Variants in RIC8B observed in about 807,000 individuals in gnomAD.
RIC8B encodes the protein RIC8 guanine nucleotide exchange factor B, also known as chaperone Ric-8B.
Under a neutral mutation model 57.5 loss-of-function variants are expected in RIC8B, and 16 were observed. The ratio of observed to expected loss-of-function variants is 0.28; its 90% CI spans 0.19 to 0.42. The LOEUF is 0.42. RIC8B is among the 10% of genes least tolerant of loss of function. The probability of loss-of-function intolerance (pLI) is 1.00; values close to 1 mark genes in which losing one functional copy is unlikely to be tolerated. For missense variants in RIC8B, 481 were observed against 677.0 expected (o/e 0.71, Z 3.21); for synonymous variants, 216 against 250.8 (o/e 0.86, Z 1.31).
chr12:106,851,676 GTC>G, intron 7 of RIC8B, 82 bp downstream of exon 7: 1 of 1,183,872 alleles, frequency 8.4e-7, no homozygotes, highest in Non-Finnish European at 1.2e-6. Flanking sequence ...AGTACTGGTC[GTC>G]TCATTCCATT....
intron 7 of RIC8B, 76 bp downstream of exon 7, chr12:106,851,670 C>A: frequency 8.2e-7 from 1 of 1,226,880 alleles, no homozygotes; most frequent in Non-Finnish European, 1.2e-6. Context: ...AGTGTTAGTA[C>A]TGGTCGTCTC....
At position 106,886,132 on chromosome 12, in the gene RIC8B, G is replaced by A. The variant is rs546443941; in HGVS notation, c.*117G>A. 13 of 709,818 alleles carry A rather than the reference G, an allele frequency of 1.8e-5. No individual in the cohort carries two copies. In the African/African-American group the frequency reaches 2.1e-4, roughly 12 times the overall value. The allele number at this position is 709,818 out of a possible 1,614,324, so 44.0% of individuals were successfully genotyped here. On this transcript the variant is annotated 3_prime_UTR_variant, in exon 10 of 10. Coordinates refer to ENST00000392837, the MANE Select transcript of RIC8B (RefSeq NM_001330145.2). ...TGCTTTGGCTAGAAACACATTAACT[G>A]GTTTACTCATTGAGAATCCAGCATA...
intron 2 of RIC8B, among the ~76,000 whole-genome samples, chr12:106,788,244 T>C (rs1206197355): frequency 1.3e-5 from 2 of 152,198 alleles, no homozygotes; most frequent in Non-Finnish European, 2.9e-5. Context: ...CCCATAGTCT[T>C]GGGCAGCTCC....
chr12:106,810,852 C>G (rs563964701), intron 2 of RIC8B, among the ~76,000 whole-genome samples: 1 of 152,262 alleles, frequency 6.6e-6, no homozygotes, highest in South Asian at 2.1e-4. Flanking sequence ...CAGGCACTGC[C>G]CTATGTGTTT....
At chr12:106,815,810 A>G (rs2045550338) in intron 3 of RIC8B, among the ~76,000 whole-genome samples, 1 of 152,200 alleles carries the variant, frequency 6.6e-6, no homozygotes, top group East Asian at 1.9e-4. Context: ...GTAGTGTTAG[A>G]TAACTATCAG....
chr12:106,843,349 C>T (rs1304343066), intron 5 of RIC8B, among the ~76,000 whole-genome samples: 1 of 151,986 alleles, frequency 6.6e-6, no homozygotes, highest in Non-Finnish European at 1.5e-5. Context: ...TTGGCTAAGC[C>T]CATGGGAATC....
chr12:106,782,490 G>A (rs187084434), intron 1 of RIC8B, among the ~76,000 whole-genome samples: 78 of 152,222 alleles, frequency 5.1e-4, no homozygotes, highest in African/African-American at 1.9e-3. Context: ...GTGAGCTACC[G>A]CCCAAAATGT....
intron 2 of RIC8B, among the ~76,000 whole-genome samples, chr12:106,806,153 G>A (rs930496233): frequency 3.3e-5 from 5 of 152,126 alleles, no homozygotes; most frequent in African/African-American, 1.2e-4. Flanking sequence ...CTCCACGTTG[G>A]CCAGGCTGGC....
At chr12:106,817,622 A>G (rs1189729597) in intron 3 of RIC8B, among the ~76,000 whole-genome samples, 1 of 152,000 alleles carries the variant, frequency 6.6e-6, no homozygotes. Context: ...GATCAGGACC[A>G]TCCTGGCTAA....
intron 1 of RIC8B, among the ~76,000 whole-genome samples, chr12:106,781,972 T>G (rs1290949019): frequency 6.6e-6 from 1 of 152,192 alleles, no homozygotes; most frequent in Non-Finnish European, 1.5e-5. Context: ...TATACATTTC[T>G]AAGTATAGCC....
rs545108935 is a variant in RIC8B at position 106,814,703 on chromosome 12, G to A, written c.140G>A (p.Cys47Tyr). ...CTCGTTCTTGTTTTTCAGAAACTCT[G>A]TGAAGGCATATTTAAAGTCCTTATA... is the stretch of plus-strand genomic sequence containing the variant. ...STDEDKRKKL[C>Y]EGIFKVLIKD... Residue 47 changes from cysteine to tyrosine, a missense_variant, in exon 3 of 10, where the codon TGT (cysteine) becomes TAT (tyrosine). Physicochemically the swap from Cys to Tyr is radical, Grantham distance 194. This residue lies in a region of RIC8B where 421 missense variants were observed against 560.9 expected (regional missense o/e 0.75). Transcript: ENST00000392837. The A allele has an allele frequency of 6.3e-6, 10 of 1,589,556 alleles. No individual in the cohort carries two copies. Among genetic ancestry groups the A allele is most frequent in the East Asian group, 2.2e-5 (1 of 44,652 alleles).
At chr12:106,834,854 G>T (rs1018248660) in intron 4 of RIC8B, among the ~76,000 whole-genome samples, 2 of 151,394 alleles carry the variant, frequency 1.3e-5, no homozygotes, top group Admixed American at 6.6e-5. Context: ...TGTGGTGGCG[G>T]GTGCCTGTAG....
chr12:106,789,441 T>TCA (rs1335458723), intron 2 of RIC8B, among the ~76,000 whole-genome samples: 6 of 152,140 alleles, frequency 3.9e-5, no homozygotes, highest in African/African-American at 1.4e-4. Flanking sequence ...TAGTCCATTT[T>TCA]CACACGGCTA....
intron 3 of RIC8B, among the ~76,000 whole-genome samples, chr12:106,821,733 A>G (rs145335139): frequency 6.6e-6 from 1 of 152,274 alleles, no homozygotes; most frequent in East Asian, 1.9e-4. Context: ...AGAATACACT[A>G]AAAAGTCCTA....
intron 4 of RIC8B, among the ~76,000 whole-genome samples, chr12:106,829,998 G>A (rs1005234356): frequency 6.6e-5 from 10 of 152,156 alleles, no homozygotes; most frequent in Non-Finnish European, 1.3e-4. Context: ...ATATATATGT[G>A]AGAGTTTATT....
At chr12:106,835,360 C>G (rs2136381372) in intron 4 of RIC8B, among the ~76,000 whole-genome samples, 1 of 152,312 alleles carries the variant, frequency 6.6e-6, no homozygotes, top group East Asian at 1.9e-4. Flanking sequence ...CAGTTCCCCA[C>G]AAGTACCATA....
rs570476465 is a variant in RIC8B at position 106,803,614 on chromosome 12, C to T, written c.133-11082C>T. On this transcript the variant is annotated intron_variant, in intron 2 of 9. Coordinates refer to ENST00000392837, the MANE Select transcript of RIC8B (RefSeq NM_001330145.2). Reference sequence around the variant, plus strand: ...TTTGCAGTTTTTCACTTTCTCTGTGCCCCTTTGTTTCAGTGTATTCAATTA... The same window carrying T: ...TTTGCAGTTTTTCACTTTCTCTGTGTCCCTTTGTTTCAGTGTATTCAATTA... 2.0e-5 allele frequency among the ~76,000 whole-genome samples: 3 copies of T among 152,258 alleles called. 1 individual carries two copies. In the South Asian group the frequency reaches 6.2e-4, roughly 32 times the overall value.
chr12:106,855,390 A>G (rs532298325), intron 7 of RIC8B, among the ~76,000 whole-genome samples: 3 of 151,610 alleles, frequency 2.0e-5, no homozygotes, highest in South Asian at 2.1e-4. Context: ...CCCAATCTCT[A>G]TGCATACTTA....
intron 2 of RIC8B, among the ~76,000 whole-genome samples, chr12:106,807,107 C>T (rs2045074024): frequency 6.6e-6 from 1 of 152,226 alleles, no homozygotes; most frequent in African/African-American, 2.4e-5. Context: ...CACACCAAAT[C>T]CATTCGCTTG....
Sources: allele counts gnomAD v4.1 joint callset (sites outside exome capture counted in the v4.1 genomes callset), GRCh38; gene constraint gnomAD v4.1.1; regional missense constraint gnomAD v4.1.1; transcripts MANE v1.5; gene names NCBI Gene and HGNC (gene_info 2026-07-23, HGNC 2026-07-21).